The following ACAP3 variants were observed in gnomAD, a reference collection of about 807,000 sequenced individuals.
ACAP3 encodes the protein ArfGAP with coiled-coil, ankyrin repeat and PH domains 3, also known as arf-GAP with coiled-coil, ANK repeat and PH domain-containing protein 3.
ACAP3 carries 56 observed loss-of-function variants against 104.1 expected under a neutral mutation model. The observed-to-expected ratio is 0.54, with a 90% CI of 0.43 to 0.67. The LOEUF is 0.67. Among genes scored for constraint, ACAP3 ranks in the 30% least tolerant of loss-of-function variants. ACAP3 has a pLI of 0.00. For synonymous variants in ACAP3, 628 were observed against 496.2 expected (o/e 1.27, Z -3.53); for missense variants, 1,208 against 1,174.9 (o/e 1.03, Z -0.41).
rs1285677904 is a variant in ACAP3 at position 1,296,530 on chromosome 1, C to G, written c.1232G>C (p.Ser411Thr). ...KGESVLQRVQ[S>T]VAGNSQCGDC... ...GCCGCACTGGCTGTTGCCGGCCACA[C>G]TCTGCACACGCTGCAGCACACTCTC... is the stretch of plus-strand genomic sequence containing the variant. Residue 411 changes from serine (S) to threonine (T), a missense_variant, in exon 15 of 24, where the codon AGT (serine) becomes ACT (threonine). Ser to Thr is a moderately conservative substitution (Grantham distance 58, BLOSUM62 1). Transcript: ENST00000354700. 1.9e-6 allele frequency: 3 copies of G among 1,540,026 alleles called. No homozygotes were observed. In the African/African-American group the frequency reaches 4.1e-5, roughly 21 times the overall value.
chr1:1,300,472 G>C, intron 6 of ACAP3, 37 bp downstream of exon 6: 1 of 1,578,210 alleles, frequency 6.3e-7, no homozygotes, highest in South Asian at 1.2e-5. Flanking sequence ...ATTCGCTACA[G>C]CTGGTCCCCG....
In ACAP3 at chr1:1,303,009, G is replaced by C. The variant is rs751687449; in HGVS notation, c.226-34C>G. ...GCAGATGGGAACCCGTGCTGAGATG[G>C]CAAATCCGGGCCCAGGTCACCCAGC... On this transcript the variant is annotated intron_variant, in intron 3 of 23. Transcript: ENST00000354700. This position sits in a 1 kb window ranked among gnomAD's most constrained non-coding sequence, Gnocchi z 4.0. 4.0e-5 allele frequency: 64 copies of C among 1,593,182 alleles called. No individual in the cohort carries two copies. Among genetic ancestry groups the C allele is most frequent in the Non-Finnish European group, 5.2e-5 (61 of 1,169,236 alleles).
In ACAP3 at chr1:1,303,457, A is replaced by T. The variant is rs1641540088; in HGVS notation, c.106-176T>A. 4.5e-5 allele frequency: 15 copies of T among 335,268 alleles called. No homozygotes were observed. The highest frequency in any genetic ancestry group is 8.0e-5 in the Admixed American group (2 of 24,888). 20.8% of individuals were successfully genotyped at this position (335,268 alleles called of 1,614,324 possible). ...ACGCCTGGGCCTGCCTGGGGCTTGG[A>T]GGCCCGTCTGGGAGGGGAGGGTGGG... On this transcript the variant is annotated intron_variant, in intron 2 of 23. Transcript: ENST00000354700. This position sits in a 1 kb window ranked among gnomAD's most constrained non-coding sequence, Gnocchi z 4.0.
In ACAP3 at chr1:1,294,644, G is replaced by A; in HGVS notation, c.1913-16C>T. 2.0e-6 allele frequency: 3 copies of A among 1,530,718 alleles called. No individual in the cohort carries two copies. Among genetic ancestry groups the A allele is most frequent in the Non-Finnish European group, 1.8e-6 (2 of 1,136,308 alleles). 94.8% of individuals were successfully genotyped at this position (1,530,718 alleles called of 1,614,324 possible). A position where few individuals can be genotyped will look rare whatever the true frequency, so the allele number is the denominator to read the frequency against. ...TCTGCACCCTCTGTGGGGAGGGGGC[G>A]GTCAGGGAAAGCAACCCCCGGGGCT... On this transcript the variant is annotated splice_polypyrimidine_tract_variant and intron_variant, in intron 20 of 23. Transcript: ENST00000354700.
rs758285750 is a variant in ACAP3 at position 1,297,807 on chromosome 1, C to T, written c.1128+15G>A. 3 of 1,607,884 alleles carry T rather than the reference C, an allele frequency of 1.9e-6. No homozygotes were observed. The highest frequency in any genetic ancestry group is 4.5e-5 in the East Asian group (2 of 44,752). On this transcript the variant is annotated intron_variant, in intron 14 of 23. Coordinates refer to ENST00000354700, the MANE Select transcript of ACAP3 (RefSeq NM_030649.3). ...TGTGTGCACGGGCTTGGGGCAGGGG[C>T]ACCAAGGGCCACACCTCGCTATAGC...
In ACAP3 at chr1:1,294,126, G is replaced by A. The variant is rs565128624; in HGVS notation, c.2213C>T (p.Ala738Val). The A allele has an allele frequency of 1.5e-4, 239 of 1,590,176 alleles. 3 individuals are homozygous for A. The South Asian group carries it at 2.4e-3, about 16-fold the overall frequency. The change falls in exon 22 of 24, where the codon GCG (alanine) becomes GTG (valine). Residue 738 changes from alanine (A) to valine (V), a missense_variant. By Grantham distance (64) the Ala-to-Val change is moderately conservative (BLOSUM62 0). Transcript: ENST00000354700. ...CAGCAGCGTGGCGTGGTGCAGGGGC[G>A]CCCGGCCCCGGCTGTCTCTTTGGTT... is the stretch of plus-strand genomic sequence containing the variant. ...DVNQRDSRGR[A>V]PLHHATLLGR...
rs935161735 is a variant in ACAP3 at position 1,293,381 on chromosome 1, G to A, written c.*183C>T. 6 of 503,998 alleles carry A rather than the reference G, an allele frequency of 1.2e-5. No individual in the cohort carries two copies. The highest frequency in any genetic ancestry group is 1.0e-4 in the African/African-American group (5 of 48,206). 31.2% of individuals were successfully genotyped at this position (503,998 alleles called of 1,614,324 possible). A position where few individuals can be genotyped will look rare whatever the true frequency, so the allele number is the denominator to read the frequency against. On this transcript the variant is annotated 3_prime_UTR_variant, in exon 24 of 24. Transcript: ENST00000354700. ...CCCCCAGGGAAACGTGAGGCTTCAAGAGACTCAGTGTGGGGCCCTCGCTCT... is the reference window on the plus strand; with the variant it reads ...CCCCCAGGGAAACGTGAGGCTTCAAAAGACTCAGTGTGGGGCCCTCGCTCT...
rs1296368172 is a variant in ACAP3, at chr1:1,307,800, C to T, written c.16G>A (p.Glu6Lys). The T allele has an allele frequency of 1.3e-5, 14 of 1,077,468 alleles. No homozygotes were observed. Among genetic ancestry groups the T allele is most frequent in the Non-Finnish European group, 1.5e-5 (13 of 889,462 alleles). The allele number at this position is 1,077,468 out of a possible 1,614,324, so 66.7% of individuals were successfully genotyped here. ...CGCGGGGAGTCCTTGACGCACTCCT[C>T]GAACTCCACGGTCATGGCTGCGGCG... MTVEF[E>K]ECVKDSPRFR... Residue 6 changes from glutamate (E) to lysine (K), a missense_variant, in exon 1 of 24, where the codon GAG becomes AAG. Transcript: ENST00000354700.
chr1:1,296,689 A>G, intron 14 of ACAP3, 56 bp from the exon 15 acceptor site: 1 of 1,503,396 alleles, frequency 6.7e-7, no homozygotes, highest in African/African-American at 1.4e-5. Context: ...TGGTTTCCCC[A>G]GCAGGCCCCC....
intron 23 of ACAP3, 42 bp from the exon 24 acceptor site, chr1:1,293,750 C>CCCGCCCCTGCCCTGGAGGCT: frequency 6.8e-7 from 1 of 1,462,494 alleles, no homozygotes; most frequent in South Asian, 1.3e-5. Context: ...CCCTGGAGGC[C>CCCGCCCCTGCCCTGGAGGCT]CCGCCCCTGC....
rs771493225 is a variant in ACAP3, at chr1:1,303,971, C to T, written c.105+115G>A. 4.8e-5 allele frequency: 61 copies of T among 1,266,942 alleles called. No individual in the cohort carries two copies. Among genetic ancestry groups the T allele is most frequent in the Non-Finnish European group, 6.1e-5 (55 of 906,350 alleles). The allele number at this position is 1,266,942 out of a possible 1,614,324, so 78.5% of individuals were successfully genotyped here. A position where few individuals can be genotyped will look rare whatever the true frequency, so the allele number is the denominator to read the frequency against. ...AGGGACCAGGACCTGGAGCACCACACGCATGCTCCACATATGGGGGGTGTA... is the reference window on the plus strand; with the variant it reads ...AGGGACCAGGACCTGGAGCACCACATGCATGCTCCACATATGGGGGGTGTA... On this transcript the variant is annotated intron_variant, in intron 2 of 23. Transcript: ENST00000354700. The surrounding 1 kb of genome is among the most constrained non-coding windows in gnomAD (Gnocchi z 4.0).
At chr1:1,296,398 C>A (rs1362203645) in intron 15 of ACAP3, 27 bp downstream of exon 15, 7 of 1,531,972 alleles carry the variant, frequency 4.6e-6, no homozygotes, top group Non-Finnish European at 5.2e-6. Flanking sequence ...CCAACCCCCA[C>A]CCCCAGCCTG....
chr1:1,294,603 G>A lies in ACAP3; in HGVS notation c.1938C>T (p.Ser646=). ...EEEGAESEES[S]GEADGDTEAE... Reference sequence around the variant, plus strand: ...CCTCAGTGTCCCCGTCTGCCTCACCGCTGGACTCCTCCGACTCTGCACCCT... The same window carrying A: ...CCTCAGTGTCCCCGTCTGCCTCACCACTGGACTCCTCCGACTCTGCACCCT... Residue 646 remains serine, a synonymous_variant, in exon 21 of 24, where the codon AGC becomes AGT. Transcript: ENST00000354700. The A allele has an allele frequency of 5.2e-6, 8 of 1,525,424 alleles. No homozygotes were observed. The highest frequency in any genetic ancestry group is 7.0e-6 in the Non-Finnish European group (8 of 1,139,730). 94.5% of individuals were successfully genotyped at this position (1,525,424 alleles called of 1,614,324 possible).
At chr1:1,305,854 T>TA (rs1641669819) in intron 1 of ACAP3, 5 of 152,236 alleles carry the variant, frequency 3.3e-5, no homozygotes, top group Admixed American at 3.3e-4. Flanking sequence ...GGGCTGCCAC[T>TA]AGGCCCTCCC....
chr1:1,301,426 A>ATTTT (rs70949569), intron 5 of ACAP3: 22 of 109,980 alleles, frequency 2.0e-4, no homozygotes, highest in East Asian at 2.6e-4. Context: ...TGCCCATCTA[A>ATTTT]TTTTTTTTTT....
intron 19 of ACAP3, 165 bp from the exon 20 acceptor site, chr1:1,294,981 G>A (rs560608350): frequency 3.1e-5 from 20 of 649,718 alleles, no homozygotes; most frequent in Non-Finnish European, 4.8e-5. Flanking sequence ...AGGAGCAAAG[G>A]AGAGAAAACC....
At chr1:1,301,950 G>T in intron 5 of ACAP3, 38 bp downstream of exon 5, 1 of 1,521,122 alleles carries the variant, frequency 6.6e-7, no homozygotes. Context: ...AGGGAGCGTG[G>T]CCTCAGTGTT....
rs1553163290 is a variant in ACAP3 at position 1,300,074 on chromosome 1, G to GGCAGCGTGCATGAA, written c.568-7_568-6insTTCATGCACGCTGC. On this transcript the variant is annotated splice_region_variant and splice_polypyrimidine_tract_variant and intron_variant, in intron 7 of 23. Coordinates refer to ENST00000354700, the MANE Select transcript of ACAP3 (RefSeq NM_030649.3). ...GCGTGCATGAAGGACAGCATCTGCG[G>GGCAGCGTGCATGAA]GGGCAGCACAGGTGAGGCCCAAGCA... 5 of 1,612,010 alleles carry GGCAGCGTGCATGAA rather than the reference G, an allele frequency of 3.1e-6. No homozygotes were observed. In the African/African-American group the frequency reaches 6.7e-5, roughly 22 times the overall value.
At position 1,298,375 on chromosome 1, in the gene ACAP3, G is replaced by GCTT. The variant is rs906063649; in HGVS notation, c.907_909dup (p.Lys303dup). Reference sequence around the variant, plus strand: ...GCCCCAGGCCCAGGGCACACCTTGAGCTTCTTCTGGTAGACCAGCTGGCTG... The same window carrying GCTT: ...GCCCCAGGCCCAGGGCACACCTTGAGCTTCTTCTTCTGGTAGACCAGCTGGCTG... On this transcript the variant is annotated inframe_insertion, in exon 12 of 24. Coordinates refer to ENST00000354700, the MANE Select transcript of ACAP3 (RefSeq NM_030649.3). 1.2e-6 allele frequency: 2 copies of GCTT among 1,604,316 alleles called. No individual in the cohort carries two copies. Among genetic ancestry groups the GCTT allele is most frequent in the Non-Finnish European group, 1.7e-6 (2 of 1,175,612 alleles).
Sources: gnomAD v4.1 joint callset for allele counts on GRCh38, gnomAD v4.1.1 for gene constraint, Gnocchi (gnomAD v3.1) non-coding constraint, MANE v1.5 for transcripts, NCBI Gene and HGNC (gene_info 2026-07-23, HGNC 2026-07-21) for gene names.